The following ANKLE2 variants were observed in gnomAD, a reference collection of about 807,000 sequenced individuals.
ANKLE2 encodes ankyrin repeat and LEM domain containing 2, also known as ankyrin repeat and LEM domain-containing protein 2.
Under a neutral mutation model 84.2 loss-of-function variants are expected in ANKLE2, and 55 were observed. That is an observed-to-expected ratio of 0.65 (90% CI 0.53 to 0.82). ANKLE2 has a LOEUF of 0.82. Ranked by LOEUF, ANKLE2 falls within the 40% of genes least tolerant of loss-of-function variation. The pLI is 0.00. For synonymous variants in ANKLE2, 551 were observed against 486.1 expected (o/e 1.13, Z -1.76); for missense variants, 1,238 against 1,201.9 (o/e 1.03, Z -0.44).
At chr12:132,748,357 A>G in intron 3 of ANKLE2, 26 bp from the exon 4 acceptor site, 1 of 1,612,936 alleles carries the variant, frequency 6.2e-7, no homozygotes, top group South Asian at 1.1e-5. Flanking sequence ...AGAATTTAAG[A>G]ACAATCAGTT....
At chr12:132,753,728 G>A (rs1436598514) in intron 2 of ANKLE2, among the ~76,000 whole-genome samples, 2 of 151,790 alleles carry the variant, frequency 1.3e-5, no homozygotes, top group African/African-American at 4.8e-5. Context: ...GTGACAGTGC[G>A]AGACTCTGTC....
At chr12:132,761,017 G>A (rs2136195531) in intron 1 of ANKLE2, 1 of 152,376 alleles carries the variant, frequency 6.6e-6, no homozygotes, top group East Asian at 1.9e-4. Flanking sequence ...AAAGGGGATG[G>A]AGCTGAAATA....
chr12:132,735,878 C>T (rs546252862), intron 8 of ANKLE2, among the ~76,000 whole-genome samples: 20 of 152,360 alleles, frequency 1.3e-4, no homozygotes, highest in African/African-American at 4.8e-4. Context: ...AGATCTTTCT[C>T]AGTCACTCTC....
intron 6 of ANKLE2, 159 bp from the exon 7 acceptor site, chr12:132,741,644 T>G (rs1015336395): frequency 1.4e-6 from 1 of 739,986 alleles, no homozygotes; most frequent in South Asian, 1.7e-5. Flanking sequence ...GTGAAGAGTG[T>G]GGTCTTTCTA....
Position 132,761,719 on chromosome 12 carries a change from G to T in ANKLE2, c.80C>A (p.Ala27Asp). 7.4e-7 allele frequency: 1 copy of T among 1,344,184 alleles called. No individual in the cohort carries two copies. The highest frequency in any genetic ancestry group is 9.6e-7 in the Non-Finnish European group (1 of 1,039,650). The allele number at this position is 1,344,184 out of a possible 1,614,324, so 83.3% of individuals were successfully genotyped here. A position where few individuals can be genotyped will look rare whatever the true frequency, so the allele number is the denominator to read the frequency against. ...CAGCCGCCGCACCAGCCACCGCACA[G>T]CGATCAGCAGCACCGAGGCGCCCAG... The part of the protein sequence containing the change: ...ELLGASVLLI[A>D]VRWLVRRLGP... The change falls in exon 1 of 13, where the codon GCT (alanine) becomes GAT (aspartate). Residue 27 changes from alanine to aspartate, a missense_variant. By Grantham distance (126) the Ala-to-Asp change is moderately radical. Transcript: ENST00000357997.
intron 10 of ANKLE2, among the ~76,000 whole-genome samples, chr12:132,732,446 G>A (rs1249187298): frequency 4.1e-4 from 58 of 140,640 alleles, no homozygotes; most frequent in African/African-American, 1.4e-3. Context: ...GATATGCACC[G>A]TGTGAAGCTC....
intron 5 of ANKLE2, among the ~76,000 whole-genome samples, chr12:132,744,580 C>T (rs2044195559): frequency 6.6e-6 from 1 of 152,156 alleles, no homozygotes; most frequent in African/African-American, 2.4e-5. Context: ...CACACGACCC[C>T]AAAAAGGTCT....
intron 11 of ANKLE2, among the ~76,000 whole-genome samples, chr12:132,729,216 T>C (rs1017261108): frequency 6.8e-6 from 1 of 147,600 alleles, no homozygotes; most frequent in Non-Finnish European, 1.5e-5. Flanking sequence ...CTAGACGTGG[T>C]GGCAGGCGCC....
In ANKLE2 at chr12:132,743,350, T is replaced by C. The variant is rs77391933; in HGVS notation, c.1231-74A>G. 413 of 1,401,774 alleles carry C rather than the reference T, an allele frequency of 2.9e-4. No homozygotes were observed. The highest frequency in any genetic ancestry group is 3.4e-4 in the South Asian group (22 of 65,240). The allele number at this position is 1,401,774 out of a possible 1,614,324, so 86.8% of individuals were successfully genotyped here. On this transcript the variant is annotated intron_variant, in intron 5 of 12. Coordinates refer to ENST00000357997, the MANE Select transcript of ANKLE2 (RefSeq NM_015114.3). This position sits in a 1 kb window ranked among gnomAD's most constrained non-coding sequence, Gnocchi z 4.1. ...GGTTGCTCTAAGGTGAAAATACATA[T>C]TCATTCATTCATTCATTCATTTATT...
intron 8 of ANKLE2, among the ~76,000 whole-genome samples, chr12:132,736,239 G>A (rs1389123168): frequency 1.3e-5 from 2 of 152,230 alleles, no homozygotes; most frequent in South Asian, 2.1e-4. Flanking sequence ...CATGCGTCCC[G>A]GCGCCCGGCC....
In ANKLE2 at chr12:132,743,988, T is replaced by C. The variant is rs1464078388; in HGVS notation, c.1231-712A>G. Among the ~76,000 whole-genome samples the C allele has an allele frequency of 2.6e-5, 4 of 152,132 alleles. No individual in the cohort carries two copies. Among genetic ancestry groups the C allele is most frequent in the African/African-American group, 9.7e-5 (4 of 41,414 alleles). ...CCTGTGACACCACAGTAAACGAAAT[T>C]TTTTTCACTGCTGACGATGCTGCAT... On this transcript the variant is annotated intron_variant, in intron 5 of 12. Coordinates refer to ENST00000357997, the MANE Select transcript of ANKLE2 (RefSeq NM_015114.3). The surrounding 1 kb of genome is among the most constrained non-coding windows in gnomAD (Gnocchi z 4.1).
chr12:132,730,162 C>T lies in ANKLE2; in HGVS notation c.2000G>A (p.Gly667Asp). 6.2e-7 allele frequency: 1 copy of T among 1,610,924 alleles called. No individual in the cohort carries two copies. The highest frequency in any genetic ancestry group is 8.5e-7 in the Non-Finnish European group (1 of 1,178,518). ...GCTGCACCTCGTATGTCCAAAAGCA[C>T]CGACTGTGGGCGGGCTGTTATTTCG... ...AARNNSPPTV[G>D]AFGHTRCSAF... Residue 667 changes from glycine (G) to aspartate (D), a missense_variant, in exon 11 of 13, where the codon GGT (glycine) becomes GAT (aspartate). Physicochemically the swap from Gly to Asp is moderately conservative, Grantham distance 94. This residue lies in a region of ANKLE2 where 802 missense variants were observed against 774.5 expected (regional missense o/e 1.04). Transcript: ENST00000357997.
At chr12:132,737,942 T>TG (rs1243980285) in intron 7 of ANKLE2, 1 of 152,170 alleles carries the variant, frequency 6.6e-6, no homozygotes, top group Non-Finnish European at 1.5e-5. Flanking sequence ...TTTGTAGAGA[T>TG]GGGGTCTTGC....
In ANKLE2 at chr12:132,729,731, C is replaced by G. The variant is rs773963548; in HGVS notation, c.2431G>C (p.Glu811Gln). 1.2e-5 allele frequency: 19 copies of G among 1,610,582 alleles called. No homozygotes were observed. The highest frequency in any genetic ancestry group is 5.0e-5 in the Admixed American group (3 of 59,758). ...TCCCTGGTGACCTCGAGCTGATCCTCGTGCCTGGGGCTGCTGGGACTCAAG... is the reference window on the plus strand; with the variant it reads ...TCCCTGGTGACCTCGAGCTGATCCTGGTGCCTGGGGCTGCTGGGACTCAAG... Reference protein sequence around the residue: ...MSLSPSSPRHEDQLEVTREPA... With the variant: ...MSLSPSSPRHQDQLEVTREPA... The change falls in exon 11 of 13, where the codon GAG becomes CAG. Residue 811 changes from glutamate to glutamine, a missense_variant. Coordinates refer to ENST00000357997, the MANE Select transcript of ANKLE2 (RefSeq NM_015114.3).
At chr12:132,732,695 T>C (rs2043900288) in intron 10 of ANKLE2, among the ~76,000 whole-genome samples, 1 of 110,134 alleles carries the variant, frequency 9.1e-6, no homozygotes, top group African/African-American at 3.4e-5. Flanking sequence ...TGCGTCCTGG[T>C]GTCTGATATG....
rs1435411980 is a variant in ANKLE2 at position 132,727,381 on chromosome 12, T to C, written c.2678A>G (p.His893Arg). 2 of 1,561,254 alleles carry C rather than the reference T, an allele frequency of 1.3e-6. No individual in the cohort carries two copies. The highest frequency in any genetic ancestry group is 3.8e-5 in the Admixed American group (2 of 52,150). The change falls in exon 13 of 13, where the codon CAC (histidine) becomes CGC (arginine). Residue 893 changes from histidine (H) to arginine (R), a missense_variant. By Grantham distance (29) the His-to-Arg change is conservative. Around this residue, in one of 3 missense-constraint regions of ANKLE2, gnomAD observed 802 missense variants for 774.5 expected, o/e 1.04. Transcript: ENST00000357997. ...GCTGTTTCTCCCCGGACTGTAGCTG[T>C]GAGGGCCACTGAGATCTGGCAGCTG... is the stretch of plus-strand genomic sequence containing the variant. ...KSQLPDLSGP[H>R]SYSPGRNSVA...
chr12:132,748,477 C>T (rs959733260), intron 3 of ANKLE2, 146 bp from the exon 4 acceptor site: 7 of 831,772 alleles, frequency 8.4e-6, no homozygotes, highest in Non-Finnish European at 1.3e-5. Flanking sequence ...CGAGAAGGGC[C>T]CACGGCCACC....
chr12:132,732,776 G>A (rs1219452923), intron 10 of ANKLE2, among the ~76,000 whole-genome samples: 1 of 128,612 alleles, frequency 7.8e-6, no homozygotes, highest in African/African-American at 3.0e-5. Context: ...CCTGGTGTCT[G>A]ATATGCACCG....
intron 10 of ANKLE2, among the ~76,000 whole-genome samples, chr12:132,733,636 G>A (rs10870503): frequency 0.12 from 18,405 of 147,496 alleles, 1,703 homozygotes; most frequent in East Asian, 0.47. Context: ...AGCTCTCTGC[G>A]TCCTGGTGTC....
Sources: allele counts gnomAD v4.1 joint callset (sites outside exome capture counted in the v4.1 genomes callset), GRCh38; gene constraint gnomAD v4.1.1; regional missense constraint gnomAD v4.1.1; non-coding constraint Gnocchi (gnomAD v3.1); transcripts MANE v1.5; gene names NCBI Gene and HGNC (gene_info 2026-07-23, HGNC 2026-07-21).